Variants in JPH4 observed in about 807,000 individuals in gnomAD.
The protein encoded by JPH4 is junctophilin-4.
A neutral mutation model predicts 57.6 loss-of-function variants in JPH4; 18 were observed. The observed-to-expected ratio is 0.31, with a 90% CI of 0.22 to 0.46. The LOEUF is 0.46. Ranked by LOEUF, JPH4 falls within the 20% of genes least tolerant of loss-of-function variation. The pLI, the probability that JPH4 is intolerant of heterozygous loss-of-function variation, is 1.00. For missense variants in JPH4, 727 were observed against 911.1 expected (o/e 0.80, Z 2.60); for synonymous variants, 425 against 406.6 (o/e 1.05, Z -0.54).
chr14:23,569,779 G>C lies in JPH4; in HGVS notation c.1804-62C>G. 2 of 1,114,250 alleles carry C rather than the reference G, an allele frequency of 1.8e-6. No individual in the cohort carries two copies. The highest frequency in any genetic ancestry group is 2.6e-6 in the Non-Finnish European group (2 of 772,310). The allele number at this position is 1,114,250 out of a possible 1,614,324, so 69.0% of individuals were successfully genotyped here. ...AGGACAGGGCCCACCTTCCTGCCCTGACTGAGGTGGCAGAGCTGAAGGGTC... is the reference window on the plus strand; with the variant it reads ...AGGACAGGGCCCACCTTCCTGCCCTCACTGAGGTGGCAGAGCTGAAGGGTC... On this transcript the variant is annotated intron_variant, in intron 5 of 5. Coordinates refer to ENST00000356300, the MANE Select transcript of JPH4 (RefSeq NM_001146028.2). The surrounding 1 kb of genome is among the most constrained non-coding windows in gnomAD (Gnocchi z 4.8).
rs1048060282 is a variant in JPH4, at chr14:23,569,574, G to C, written c.*60C>G. 3.6e-6 allele frequency: 4 copies of C among 1,102,250 alleles called. No individual in the cohort carries two copies. The highest frequency in any genetic ancestry group is 4.1e-6 in the Non-Finnish European group (3 of 736,656). The allele number at this position is 1,102,250 out of a possible 1,614,324, so 68.3% of individuals were successfully genotyped here. The stretch of plus-strand genomic sequence containing the variant: ...GCCAGGAAGAGGAGAAGAGAAAAAA[G>C]GCAGGTCAAAGGGGTGAAGAGGCAC... On this transcript the variant is annotated 3_prime_UTR_variant, in exon 6 of 6. Coordinates refer to ENST00000356300, the MANE Select transcript of JPH4 (RefSeq NM_001146028.2). The surrounding 1 kb of genome is among the most constrained non-coding windows in gnomAD (Gnocchi z 4.8).
chr14:23,577,304 C>T lies in JPH4; in HGVS notation c.150G>A (p.Leu50=). Reference sequence around the variant, plus strand: ...GTCCGCCGGGCCCCGTGAAGACGCCCAGTGACTCGAAGCCGTGTGCCCAGC... The same window carrying T: ...GTCCGCCGGGCCCCGTGAAGACGCCTAGTGACTCGAAGCCGTGTGCCCAGC... ...SGCWAHGFES[L]GVFTGPGGHS... is the part of the protein sequence containing the mutation. The change falls in exon 2 of 6, where the codon CTG becomes CTA. Residue 50 remains leucine, a synonymous_variant. Coordinates refer to ENST00000356300, the MANE Select transcript of JPH4 (RefSeq NM_001146028.2). This position sits in a 1 kb window ranked among gnomAD's most constrained non-coding sequence, Gnocchi z 8.4. 6.5e-7 allele frequency: 1 copy of T among 1,537,850 alleles called. No individual in the cohort carries two copies. The highest frequency in any genetic ancestry group is 8.7e-7 in the Non-Finnish European group (1 of 1,145,440).
rs1317711415 is a variant in JPH4 at position 23,571,965 on chromosome 14, C to G, written c.1152-45G>C. 1 of 1,557,410 alleles carries G rather than the reference C, an allele frequency of 6.4e-7. No individual in the cohort carries two copies. Among genetic ancestry groups the G allele is most frequent in the Non-Finnish European group, 8.8e-7 (1 of 1,137,074 alleles). On this transcript the variant is annotated intron_variant, in intron 3 of 5. Coordinates refer to ENST00000356300, the MANE Select transcript of JPH4 (RefSeq NM_001146028.2). This position sits in a 1 kb window ranked among gnomAD's most constrained non-coding sequence, Gnocchi z 4.6. ...GGATTTAGCAGAACTTCCCCCACTT[C>G]AAGTTAGTCCCTGCTCAGATGCTCC...
chr14:23,570,861 G>T, intron 5 of JPH4, 67 bp downstream of exon 5: 1 of 1,419,296 alleles, frequency 7.0e-7, no homozygotes. Flanking sequence ...TGATCAGACA[G>T]TTCTGGAAAG....
In JPH4 at chr14:23,575,964, C is replaced by G. The variant is rs1281648415; in HGVS notation, c.872G>C (p.Arg291Pro). The change falls in exon 3 of 6, where the codon CGC becomes CCC. Residue 291 changes from arginine (R) to proline (P), a missense_variant. Transcript: ENST00000356300. The surrounding 1 kb of genome is among the most constrained non-coding windows in gnomAD (Gnocchi z 6.9). ...GCGCTGGCTGACGCCGAAGCCGCTG[C>G]GCCGATCTGCGCGCCACTCGCCCGC... ...VYAGEWRADR[R>P]SGFGVSQRSN... 8 of 1,532,898 alleles carry G rather than the reference C, an allele frequency of 5.2e-6. No homozygotes were observed. The highest frequency in any genetic ancestry group is 1.4e-5 in the African/African-American group (1 of 71,272). 95.0% of individuals were successfully genotyped at this position (1,532,898 alleles called of 1,614,324 possible). A position where few individuals can be genotyped will look rare whatever the true frequency, so the allele number is the denominator to read the frequency against.
intron 3 of JPH4, among the ~76,000 whole-genome samples, chr14:23,574,491 T>C (rs1289564002): frequency 6.6e-6 from 1 of 152,184 alleles, no homozygotes; most frequent in African/African-American, 2.4e-5. Flanking sequence ...ATCTGTGCTA[T>C]TTAATTCAGT....
Position 23,570,843 on chromosome 14 carries a change from C to G in JPH4, c.1803+85G>C, listed in dbSNP as rs527495117. ...GAGGAAGCCGAGTGAGATAAAAAGCCCCCCCGGTGATCAGACAGTTCTGGA... is the reference window on the plus strand; with the variant it reads ...GAGGAAGCCGAGTGAGATAAAAAGCGCCCCCGGTGATCAGACAGTTCTGGA... On this transcript the variant is annotated intron_variant, in intron 5 of 5. Coordinates refer to ENST00000356300, the MANE Select transcript of JPH4 (RefSeq NM_001146028.2). 137 of 1,320,106 alleles carry G rather than the reference C, an allele frequency of 1.0e-4. No individual in the cohort carries two copies. In the African/African-American group the frequency reaches 1.9e-3, roughly 18 times the overall value. 81.8% of individuals were successfully genotyped at this position (1,320,106 alleles called of 1,614,324 possible).
Position 23,577,523 on chromosome 14 carries a change from G to A in JPH4, c.-70C>T, listed in dbSNP as rs1889304712. ...CCTGGGACTGGAGAGCCTGCTGGGG[G>A]CCTTGGAGCCGGGCGAGGCCTCGGG... On this transcript the variant is annotated 5_prime_UTR_variant, in exon 2 of 6. Coordinates refer to ENST00000356300, the MANE Select transcript of JPH4 (RefSeq NM_001146028.2). This position sits in a 1 kb window ranked among gnomAD's most constrained non-coding sequence, Gnocchi z 8.4. 9 of 1,305,722 alleles carry A rather than the reference G, an allele frequency of 6.9e-6. No homozygotes were observed. The South Asian group carries it at 1.1e-4, about 17-fold the overall frequency. The allele number at this position is 1,305,722 out of a possible 1,614,324, so 80.9% of individuals were successfully genotyped here.
chr14:23,575,779 G>A lies in JPH4; in HGVS notation c.1057C>T (p.Arg353Trp). Residue 353 changes from arginine (R) to tryptophan (W), a missense_variant, in exon 3 of 6, where the codon CGG becomes TGG. Arg to Trp is a moderately radical substitution (Grantham distance 101, BLOSUM62 -3). This residue lies in a region of JPH4 where 112 missense variants were observed against 199.4 expected (regional missense o/e 0.56). Transcript: ENST00000356300. This position sits in a 1 kb window ranked among gnomAD's most constrained non-coding sequence, Gnocchi z 6.9. The part of the protein sequence containing the change: ...VRSLLPLALR[R>W]GKVKEKVDRA... ...TCCACCTTCTCCTTAACCTTGCCCC[G>A]CCGAAGGGCCAGAGGCAGGAGACTG... 1 of 1,596,296 alleles carries A rather than the reference G, an allele frequency of 6.3e-7. No individual in the cohort carries two copies. Among genetic ancestry groups the A allele is most frequent in the Non-Finnish European group, 8.5e-7 (1 of 1,172,980 alleles).
chr14:23,568,292 G>C lies in JPH4; in HGVS notation c.*1342C>G. On this transcript the variant is annotated 3_prime_UTR_variant, in exon 6 of 6. Transcript: ENST00000356300. The stretch of plus-strand genomic sequence containing the variant: ...GCAAGGCCATTCCTTGAGGGAGGGG[G>C]TTGGCAGGCAGCTTGCCTCTGCCTC... 3.0e-6 allele frequency: 3 copies of C among 985,904 alleles called. No individual in the cohort carries two copies. Among genetic ancestry groups the C allele is most frequent in the Non-Finnish European group, 2.4e-6 (2 of 829,960 alleles). 61.1% of individuals were successfully genotyped at this position (985,904 alleles called of 1,614,324 possible).
Position 23,569,399 on chromosome 14 carries a change from T to A in JPH4, c.*235A>T. The A allele has an allele frequency of 4.0e-6, 2 of 499,480 alleles. No homozygotes were observed. The highest frequency in any genetic ancestry group is 7.2e-6 in the Non-Finnish European group (2 of 277,262). 30.9% of individuals were successfully genotyped at this position (499,480 alleles called of 1,614,324 possible). A position where few individuals can be genotyped will look rare whatever the true frequency, so the allele number is the denominator to read the frequency against. On this transcript the variant is annotated 3_prime_UTR_variant, in exon 6 of 6. Transcript: ENST00000356300. This position sits in a 1 kb window ranked among gnomAD's most constrained non-coding sequence, Gnocchi z 4.8. Reference sequence around the variant, plus strand: ...GTAAACAATCTAGAGAAAGAAGGGGTTGGGATGGGGAAGGGAGTGAGGAAT... The same window carrying A: ...GTAAACAATCTAGAGAAAGAAGGGGATGGGATGGGGAAGGGAGTGAGGAAT...
chr14:23,573,571 G>A (rs1048791662), intron 3 of JPH4, among the ~76,000 whole-genome samples: 2 of 152,180 alleles, frequency 1.3e-5, no homozygotes, highest in Admixed American at 6.5e-5. Context: ...CCACACAGTA[G>A]ACTTAGTCTG....
intron 3 of JPH4, among the ~76,000 whole-genome samples, chr14:23,573,863 T>C (rs1397247509): frequency 6.6e-6 from 1 of 151,998 alleles, no homozygotes; most frequent in African/African-American, 2.4e-5. Flanking sequence ...CCCAGACACA[T>C]CTATAGATGC....
At position 23,575,781 on chromosome 14, in the gene JPH4, C is replaced by A; in HGVS notation, c.1055G>T (p.Arg352Leu). The change falls in exon 3 of 6, where the codon CGG (arginine) becomes CTG (leucine). Residue 352 changes from arginine to leucine, a missense_variant. Arg to Leu is a moderately radical substitution (Grantham distance 102). This residue lies in a region of JPH4 where 112 missense variants were observed against 199.4 expected (regional missense o/e 0.56). Transcript: ENST00000356300. This position sits in a 1 kb window ranked among gnomAD's most constrained non-coding sequence, Gnocchi z 6.9. ...RVRSLLPLALRRGKVKEKVDR... is the reference protein window; with the variant it reads ...RVRSLLPLALLRGKVKEKVDR... Reference sequence around the variant, plus strand: ...CACCTTCTCCTTAACCTTGCCCCGCCGAAGGGCCAGAGGCAGGAGACTGCG... The same window carrying A: ...CACCTTCTCCTTAACCTTGCCCCGCAGAAGGGCCAGAGGCAGGAGACTGCG... 1 of 1,596,786 alleles carries A rather than the reference C, an allele frequency of 6.3e-7. No homozygotes were observed. The highest frequency in any genetic ancestry group is 1.7e-5 in the Admixed American group (1 of 58,350).
At position 23,571,152 on chromosome 14, in the gene JPH4, C is replaced by T. The variant is rs760926114; in HGVS notation, c.1579G>A (p.Asp527Asn). ...CAGCCTCCGAGGAGTGGGGAACCGT[C>T]TCTGGGCCCTGGCCCTTGCATCCCA... ...EAGMQGPGPR[D>N]GSPLLGGCSD... Residue 527 changes from aspartate (D) to asparagine (N), a missense_variant, in exon 5 of 6, where the codon GAC becomes AAC. Around this residue, in one of 7 missense-constraint regions of JPH4, gnomAD observed 293 missense variants for 279.8 expected, o/e 1.05. Transcript: ENST00000356300. The surrounding 1 kb of genome is among the most constrained non-coding windows in gnomAD (Gnocchi z 4.6). 3.1e-6 allele frequency: 5 copies of T among 1,614,006 alleles called. No homozygotes were observed. The African/African-American group carries it at 6.7e-5, about 22-fold the overall frequency.
Position 23,568,932 on chromosome 14 carries a change from AG to A in JPH4, c.*701del. ...ATGGCATGCCACCAGAGGGGGCTGG[AG>A]GAGGGGCTGGCCGATGAGGAGAAAA... is the stretch of plus-strand genomic sequence containing the variant. On this transcript the variant is annotated 3_prime_UTR_variant, in exon 6 of 6. Transcript: ENST00000356300. The A allele has an allele frequency of 2.7e-6, 1 of 373,000 alleles. No individual in the cohort carries two copies. The highest frequency in any genetic ancestry group is 3.7e-6 in the Non-Finnish European group (1 of 270,068). The allele number at this position is 373,000 out of a possible 1,614,324, so 23.1% of individuals were successfully genotyped here.
At position 23,576,488 on chromosome 14, in the gene JPH4, C is replaced by T; in HGVS notation, c.380-32G>A. The T allele has an allele frequency of 7.3e-7, 1 of 1,374,724 alleles. No individual in the cohort carries two copies. Among genetic ancestry groups the T allele is most frequent in the Non-Finnish European group, 9.3e-7 (1 of 1,070,930 alleles). The allele number at this position is 1,374,724 out of a possible 1,614,324, so 85.2% of individuals were successfully genotyped here. A position where few individuals can be genotyped will look rare whatever the true frequency, so the allele number is the denominator to read the frequency against. ...GCGGCGGAGGGGTGGGAGAAAGAGT[C>T]AGGACGTGCCGCTGGGCTCCTTGCG... is the stretch of plus-strand genomic sequence containing the variant. On this transcript the variant is annotated intron_variant, in intron 2 of 5. Coordinates refer to ENST00000356300, the MANE Select transcript of JPH4 (RefSeq NM_001146028.2). The surrounding 1 kb of genome is among the most constrained non-coding windows in gnomAD (Gnocchi z 8.0).
chr14:23,569,439 A>G lies in JPH4; in HGVS notation c.*195T>C, dbSNP rs1363370676. On this transcript the variant is annotated 3_prime_UTR_variant, in exon 6 of 6. Transcript: ENST00000356300. The surrounding 1 kb of genome is among the most constrained non-coding windows in gnomAD (Gnocchi z 4.8). ...GAGTGAGGAATACAGAGACAGATCCAGAAGAAATGAGATAATCTGAAAGAA... is the reference window on the plus strand; with the variant it reads ...GAGTGAGGAATACAGAGACAGATCCGGAAGAAATGAGATAATCTGAAAGAA... The G allele has an allele frequency of 3.7e-5, 22 of 594,452 alleles. No individual in the cohort carries two copies. Among genetic ancestry groups the G allele is most frequent in the Non-Finnish European group, 1.8e-5 (6 of 331,056 alleles). 36.8% of individuals were successfully genotyped at this position (594,452 alleles called of 1,614,324 possible).
chr14:23,571,990 C>T lies in JPH4; in HGVS notation c.1152-70G>A, dbSNP rs1204118986. On this transcript the variant is annotated intron_variant, in intron 3 of 5. Coordinates refer to ENST00000356300, the MANE Select transcript of JPH4 (RefSeq NM_001146028.2). This position sits in a 1 kb window ranked among gnomAD's most constrained non-coding sequence, Gnocchi z 4.6. The stretch of plus-strand genomic sequence containing the variant: ...CAAGTTAGTCCCTGCTCAGATGCTC[C>T]AGCCCCCTAGCCCCTGTCCCCTCTA... The T allele has an allele frequency of 5.0e-6, 7 of 1,394,096 alleles. No individual in the cohort carries two copies. Among genetic ancestry groups the T allele is most frequent in the African/African-American group, 1.4e-5 (1 of 70,804 alleles). 86.4% of individuals were successfully genotyped at this position (1,394,096 alleles called of 1,614,324 possible). A position where few individuals can be genotyped will look rare whatever the true frequency, so the allele number is the denominator to read the frequency against.
Sources: allele counts gnomAD v4.1 joint callset (sites outside exome capture counted in the v4.1 genomes callset), GRCh38; gene constraint gnomAD v4.1.1; regional missense constraint gnomAD v4.1.1; non-coding constraint Gnocchi (gnomAD v3.1); transcripts MANE v1.5; gene names NCBI Gene and HGNC (gene_info 2026-07-23, HGNC 2026-07-21).